Variants in ZNF804A observed in about 807,000 individuals in gnomAD.
ZNF804A encodes the protein zinc finger protein 804A.
In ZNF804A, 2 loss-of-function variants were observed where a neutral mutation model predicts 16.5. The ratio of observed to expected loss-of-function variants is 0.12; its 90% CI spans 0.05 to 0.38. The LOEUF (loss-of-function observed/expected upper bound fraction) is 0.38, where lower values mean the gene tolerates loss of function less well. Ranked by LOEUF, ZNF804A falls within the 10% of genes least tolerant of loss-of-function variation. The pLI is 0.99. For missense variants in ZNF804A, 1,473 were observed against 1,390.7 expected, an observed-to-expected ratio of 1.06 and a Z score of -0.94; for synonymous variants, 534 against 489.6, an observed-to-expected ratio of 1.09 and a Z score of -1.20.
intron 1 of ZNF804A, among the ~76,000 whole-genome samples, chr2:184,608,628 A>G (rs554712429): frequency 3.3e-5 from 5 of 152,208 alleles, no homozygotes; most frequent in Non-Finnish European, 7.3e-5. Context: ...ATATTTGACA[A>G]GAGAATACTA....
rs201850709 is a variant in ZNF804A, at chr2:184,832,634, AT to A, written c.112-33727del. Among the ~76,000 whole-genome samples, 429 of 151,544 alleles carry A rather than the reference AT, an allele frequency of 2.8e-3. 2 individuals carry two copies. Among genetic ancestry groups the A allele is most frequent in the East Asian group, 7.2e-3 (37 of 5,150 alleles). ...ATTAATTTATGAAAGATCTTCTCTT[AT>A]TTTTTTTATACTTTTCATTCTTAAT... On this transcript the variant is annotated intron_variant, in intron 1 of 3. Coordinates refer to ENST00000302277, the MANE Select transcript of ZNF804A (RefSeq NM_194250.2).
intron 2 of ZNF804A, among the ~76,000 whole-genome samples, chr2:184,925,019 G>C (rs1157977768): frequency 1.3e-5 from 2 of 151,950 alleles, no homozygotes; most frequent in Admixed American, 6.6e-5. Flanking sequence ...TTCTGTAGCT[G>C]TTGGATGAAA....
intron 1 of ZNF804A, among the ~76,000 whole-genome samples, chr2:184,706,181 G>A (rs1447377584): frequency 6.6e-6 from 1 of 152,158 alleles, no homozygotes; most frequent in Non-Finnish European, 1.5e-5. Flanking sequence ...TACAGCCCAT[G>A]AGTTGGTATA....
intron 1 of ZNF804A, among the ~76,000 whole-genome samples, chr2:184,625,348 AT>A (rs1307685522): frequency 6.6e-6 from 1 of 152,152 alleles, no homozygotes; most frequent in Non-Finnish European, 1.5e-5. Flanking sequence ...AAAGTCATAA[AT>A]TAGATTCCTT....
intron 1 of ZNF804A, among the ~76,000 whole-genome samples, chr2:184,768,100 A>G (rs1404355986): frequency 6.6e-6 from 1 of 152,120 alleles, no homozygotes; most frequent in South Asian, 2.1e-4. Context: ...AAAATATTCA[A>G]TAAATAAATA....
At chr2:184,768,675 A>G (rs924095988) in intron 1 of ZNF804A, among the ~76,000 whole-genome samples, 1 of 152,090 alleles carries the variant, frequency 6.6e-6, no homozygotes, top group Non-Finnish European at 1.5e-5. Context: ...CCACTATTAT[A>G]GAAAATAGGG....
At chr2:184,873,868 A>G (rs185207379) in intron 2 of ZNF804A, among the ~76,000 whole-genome samples, 3 of 152,186 alleles carry the variant, frequency 2.0e-5, no homozygotes. Context: ...ATTACACATC[A>G]TTTTTGAAAG....
chr2:184,806,706 A>C lies in ZNF804A; in HGVS notation c.112-59663A>C, dbSNP rs1348217728. ...TTAATATGTGACATACATCATCCCT[A>C]CAATTTGTGTACTCTTAGGCTAAAG... On this transcript the variant is annotated intron_variant, in intron 1 of 3. Transcript: ENST00000302277. 2.6e-5 allele frequency among the ~76,000 whole-genome samples: 4 copies of C among 151,834 alleles called. No individual in the cohort carries two copies. In the South Asian group the frequency reaches 6.2e-4, roughly 24 times the overall value.
chr2:184,743,944 T>G (rs1693744379), intron 1 of ZNF804A, among the ~76,000 whole-genome samples: 1 of 151,964 alleles, frequency 6.6e-6, no homozygotes, highest in African/African-American at 2.4e-5. Context: ...TAGAGAATCC[T>G]GTAAGTAATG....
chr2:184,738,719 T>C (rs1395625451), intron 1 of ZNF804A, among the ~76,000 whole-genome samples: 1 of 152,188 alleles, frequency 6.6e-6, no homozygotes, highest in East Asian at 1.9e-4. Context: ...CATTCTAAGA[T>C]ACTAATGTAA....
intron 1 of ZNF804A, among the ~76,000 whole-genome samples, chr2:184,608,937 G>C (rs1691194324): frequency 6.6e-6 from 1 of 152,268 alleles, no homozygotes; most frequent in Admixed American, 6.5e-5. Context: ...GGAGAAACAG[G>C]CTTCACTTAG....
chr2:184,912,280 C>G (rs1453635222), intron 2 of ZNF804A, among the ~76,000 whole-genome samples: 1 of 151,946 alleles, frequency 6.6e-6, no homozygotes, highest in Non-Finnish European at 1.5e-5. Context: ...ATTTCCCATA[C>G]AATACAATTT....
intron 1 of ZNF804A, among the ~76,000 whole-genome samples, chr2:184,763,805 G>A (rs548650002): frequency 6.6e-6 from 1 of 151,514 alleles, no homozygotes; most frequent in Non-Finnish European, 1.5e-5. Flanking sequence ...ACCACGCCCG[G>A]CTAATTTTTT....
At position 184,672,812 on chromosome 2, in the gene ZNF804A, G is replaced by A. The variant is rs548771825; in HGVS notation, c.111+73742G>A. The stretch of plus-strand genomic sequence containing the variant: ...GCTGGAGTGCAGTGGCACAGTCTCA[G>A]CTCACTGCAACCTCTGCCTCCCAGG... On this transcript the variant is annotated intron_variant, in intron 1 of 3. Coordinates refer to ENST00000302277, the MANE Select transcript of ZNF804A (RefSeq NM_194250.2). Among the ~76,000 whole-genome samples, 19 of 152,042 alleles carry A rather than the reference G, an allele frequency of 1.2e-4. No individual in the cohort carries two copies. In the South Asian group the frequency reaches 2.9e-3, roughly 23 times the overall value.
chr2:184,768,253 A>T (rs1025944925), intron 1 of ZNF804A, among the ~76,000 whole-genome samples: 1 of 152,110 alleles, frequency 6.6e-6, no homozygotes, highest in Non-Finnish European at 1.5e-5. Flanking sequence ...GTATGCAAAT[A>T]CCATGCCATT....
intron 1 of ZNF804A, among the ~76,000 whole-genome samples, chr2:184,860,461 G>A (rs78300164): frequency 0.039 from 5,995 of 152,296 alleles, 382 homozygotes; most frequent in African/African-American, 0.13. Context: ...GAACTTGCCT[G>A]GAGGCTGAGT....
At chr2:184,758,801 T>C (rs1325493149) in intron 1 of ZNF804A, among the ~76,000 whole-genome samples, 1 of 152,036 alleles carries the variant, frequency 6.6e-6, no homozygotes, top group Non-Finnish European at 1.5e-5. Context: ...TTATTGGGTG[T>C]ATTTATAACT....
intron 1 of ZNF804A, among the ~76,000 whole-genome samples, chr2:184,645,182 T>A (rs1385113505): frequency 6.6e-6 from 1 of 152,134 alleles, no homozygotes; most frequent in Non-Finnish European, 1.5e-5. Flanking sequence ...ATTATTTCTA[T>A]AGTTTCATTT....
chr2:184,733,551 C>T (rs1693557266), intron 1 of ZNF804A, among the ~76,000 whole-genome samples: 1 of 152,062 alleles, frequency 6.6e-6, no homozygotes, highest in African/African-American at 2.4e-5. Context: ...CTTAGGGAAA[C>T]TTCCTTCTGC....
Sources: gnomAD v4.1 joint callset for allele counts (sites outside exome capture counted in the v4.1 genomes callset) on GRCh38, gnomAD v4.1.1 for gene constraint, MANE v1.5 for transcripts, NCBI Gene and HGNC (gene_info 2026-07-23, HGNC 2026-07-21) for gene names.